Variants in ANO1 observed in about 807,000 individuals in gnomAD.
ANO1 encodes anoctamin-1.
Under a neutral mutation model 124.0 loss-of-function variants are expected in ANO1, and 59 were observed. The observed-to-expected ratio is 0.48, with a 90% CI of 0.39 to 0.59. The LOEUF (loss-of-function observed/expected upper bound fraction) is 0.59. ANO1 is among the 20% of genes least tolerant of loss of function. The probability of loss-of-function intolerance (pLI) is 0.00; values close to 1 mark genes in which losing one functional copy is unlikely to be tolerated. For missense variants in ANO1, 1,059 were observed against 1,328.0 expected (o/e 0.80, Z 3.15); for synonymous variants, 529 against 532.0 (o/e 0.99, Z 0.08).
intron 1 of ANO1, among the ~76,000 whole-genome samples, chr11:70,002,461 C>CAAAAAA (rs56246522): frequency 1.1e-5 from 1 of 94,954 alleles, no homozygotes; most frequent in Non-Finnish European, 2.1e-5. Context: ...GAGACTCCAC[C>CAAAAAA]AAAAAAAAAA....
chr11:70,061,084 G>C (rs991472890), intron 1 of ANO1, among the ~76,000 whole-genome samples: 1 of 152,142 alleles, frequency 6.6e-6, no homozygotes, highest in Non-Finnish European at 1.5e-5. Context: ...GGAGATTGGG[G>C]TCTGGGACAT....
chr11:70,075,781 T>TC (rs1301223192), upstream of ANO1, among the ~76,000 whole-genome samples: 6 of 152,016 alleles, frequency 3.9e-5, no homozygotes, highest in African/African-American at 1.4e-4. Flanking sequence ...GGAGAGAGAA[T>TC]CCCAGCAAAG....
chr11:70,099,412 C>T (rs1048391107), intron 2 of ANO1, among the ~76,000 whole-genome samples: 20 of 152,100 alleles, frequency 1.3e-4, no homozygotes, highest in East Asian at 5.8e-4. Flanking sequence ...CAGCAGCCAC[C>T]GGCTCCTTGA....
rs753020735 is a variant in ANO1 at position 70,180,028 on chromosome 11, G to A, written c.2375G>A (p.Gly792Asp). 1.9e-6 allele frequency: 3 copies of A among 1,613,124 alleles called. No individual in the cohort carries two copies. Among genetic ancestry groups the A allele is most frequent in the Admixed American group, 1.7e-5 (1 of 60,002 alleles). The change falls in exon 23 of 26, where the codon GGC becomes GAC. Residue 792 changes from glycine (G) to aspartate (D), a missense_variant. By Grantham distance (94) the Gly-to-Asp change is moderately conservative. Transcript: ENST00000355303. ...DIGIWYNILR[G>D]IGKLAVIINA... ...GGAATCTGGTACAATATCCTCAGAG[G>A]CATTGGGAAGCTTGCTGTCATCATC...
At chr11:70,057,618 G>A (rs1555007088) in intron 1 of ANO1, among the ~76,000 whole-genome samples, 2 of 152,188 alleles carry the variant, frequency 1.3e-5, no homozygotes, top group South Asian at 2.1e-4. Context: ...GCAGGCAGGT[G>A]CAGGGGTCAC....
At chr11:70,055,812 C>G (rs4980758) in intron 1 of ANO1, among the ~76,000 whole-genome samples, 97,797 of 151,826 alleles carry the variant, frequency 0.64, 32,012 homozygotes, top group East Asian at 0.91. Flanking sequence ...TCTATTATTT[C>G]GTTAGTTATA....
intron 1 of ANO1, among the ~76,000 whole-genome samples, chr11:70,040,752 G>T (rs946597819): frequency 6.6e-6 from 1 of 152,184 alleles, no homozygotes; most frequent in Non-Finnish European, 1.5e-5. Context: ...GCTGCAGCAC[G>T]ATCTGTGAAG....
At chr11:70,022,456 G>A (rs782098905) in intron 1 of ANO1, among the ~76,000 whole-genome samples, 25 of 152,174 alleles carry the variant, frequency 1.6e-4, no homozygotes, top group Middle Eastern at 3.4e-3. Flanking sequence ...AAAATTAGCC[G>A]GACGTGGTGG....
intron 1 of ANO1, among the ~76,000 whole-genome samples, chr11:70,023,989 A>G (rs1370144299): frequency 1.4e-4 from 21 of 152,248 alleles, no homozygotes. Context: ...CAGAAAACCC[A>G]AGACCAGCTT....
intron 1 of ANO1, among the ~76,000 whole-genome samples, chr11:70,031,635 G>A (rs772919358): frequency 5.9e-5 from 9 of 152,118 alleles, no homozygotes; most frequent in Non-Finnish European, 1.0e-4. Flanking sequence ...GAGGGACCTC[G>A]TGCCCAAGCC....
chr11:70,038,660 C>G (rs1237131869), intron 1 of ANO1, among the ~76,000 whole-genome samples: 2 of 152,060 alleles, frequency 1.3e-5, no homozygotes, highest in Non-Finnish European at 2.9e-5. Context: ...ATTGCAGTGG[C>G]CCCCAGGGAG....
At chr11:70,031,253 A>C (rs1373748591) in intron 1 of ANO1, among the ~76,000 whole-genome samples, 1 of 152,138 alleles carries the variant, frequency 6.6e-6, no homozygotes, top group Non-Finnish European at 1.5e-5. Context: ...CCTCAATGTG[A>C]TGTTTTCATA....
At chr11:70,020,348 C>T (rs1856779153) in intron 1 of ANO1, among the ~76,000 whole-genome samples, 1 of 152,142 alleles carries the variant, frequency 6.6e-6, no homozygotes, top group Admixed American at 6.5e-5. Context: ...GTGGTGGGGT[C>T]AGTTCTCACT....
chr11:70,116,443 C>A lies in ANO1; in HGVS notation c.856-15C>A. On this transcript the variant is annotated splice_polypyrimidine_tract_variant and intron_variant, in intron 7 of 25. Coordinates refer to ENST00000355303, the MANE Select transcript of ANO1 (RefSeq NM_018043.7). ...ATTGGATGATAAGAACGTCCCTTTC[C>A]TCTTTTTTTAACAGGGAGACTACAA... The A allele has an allele frequency of 6.3e-7, 1 of 1,593,072 alleles. No individual in the cohort carries two copies. Among genetic ancestry groups the A allele is most frequent in the Non-Finnish European group, 8.6e-7 (1 of 1,169,552 alleles).
intron 21 of ANO1, 45 bp from the exon 22 acceptor site, chr11:70,170,842 G>T (rs2048438858): frequency 1.3e-6 from 2 of 1,597,302 alleles, no homozygotes; most frequent in East Asian, 2.3e-5. Flanking sequence ...CCCCTTATGG[G>T]CTGTGGCTCA....
At chr11:70,102,156 T>C (rs1378178577) in intron 2 of ANO1, among the ~76,000 whole-genome samples, 1 of 152,154 alleles carries the variant, frequency 6.6e-6, no homozygotes, top group Non-Finnish European at 1.5e-5. Context: ...TTGCATCTGA[T>C]CCCCGATTAA....
intron 1 of ANO1, among the ~76,000 whole-genome samples, chr11:70,033,588 T>A (rs1555004039): frequency 1.3e-5 from 2 of 152,098 alleles, no homozygotes; most frequent in African/African-American, 4.8e-5. Context: ...GGTTAGCACA[T>A]GCCTGGTGCA....
intron 1 of ANO1, among the ~76,000 whole-genome samples, chr11:70,080,736 C>T (rs564938614): frequency 7.2e-5 from 11 of 152,230 alleles, no homozygotes; most frequent in Non-Finnish European, 1.5e-4. Flanking sequence ...ACAACACTTC[C>T]GTTACACATA....
chr11:70,087,477 G>C (rs2044428417), intron 1 of ANO1, among the ~76,000 whole-genome samples: 1 of 152,306 alleles, frequency 6.6e-6, no homozygotes, highest in South Asian at 2.1e-4. Context: ...TAGACCAGGA[G>C]GGCTTCTGGG....
Sources: gnomAD v4.1 joint callset for allele counts (sites outside exome capture counted in the v4.1 genomes callset) on GRCh38, gnomAD v4.1.1 for gene constraint, MANE v1.5 for transcripts, NCBI Gene and HGNC (gene_info 2026-07-23, HGNC 2026-07-21) for gene names.